The following COL24A1 variants were observed in gnomAD, a reference collection of about 807,000 sequenced individuals.
COL24A1 encodes the protein collagen type XXIV alpha 1 chain, also known as collagen alpha-1(XXIV) chain.
Under a neutral mutation model 253.9 loss-of-function variants are expected in COL24A1, and 224 were observed. That is an observed-to-expected ratio of 0.88 (90% CI 0.79 to 0.99). COL24A1 has a LOEUF of 0.99. Among genes scored for constraint, COL24A1 ranks in the 50% least tolerant of loss-of-function variants. The pLI is 0.00. For synonymous variants in COL24A1, 685 were observed against 673.7 expected (o/e 1.02, Z -0.26); for missense variants, 2,131 against 2,068.5 (o/e 1.03, Z -0.59).
At chr1:86,147,606 T>C (rs1557824149) in intron 1 of COL24A1, among the ~76,000 whole-genome samples, 1 of 152,188 alleles carries the variant, frequency 6.6e-6, no homozygotes, top group African/African-American at 2.4e-5. Flanking sequence ...GAGGAACTTG[T>C]AAAAAATGCA....
intron 47 of COL24A1, among the ~76,000 whole-genome samples, chr1:85,787,972 C>T (rs913762424): frequency 6.6e-6 from 1 of 152,196 alleles, no homozygotes; most frequent in African/African-American, 2.4e-5. Context: ...TTGCATTTCT[C>T]TAATAATCAA....
intron 28 of COL24A1, 86 bp downstream of exon 28, chr1:85,907,108 T>A: frequency 9.6e-7 from 1 of 1,038,252 alleles, no homozygotes; most frequent in East Asian, 2.4e-5. Flanking sequence ...TTCTAGAAGG[T>A]ATGATGCTAT....
chr1:85,813,650 A>C (rs1672788410), intron 47 of COL24A1, among the ~76,000 whole-genome samples: 2 of 136,170 alleles, frequency 1.5e-5, no homozygotes, highest in Non-Finnish European at 3.1e-5. Flanking sequence ...TCCCGGGTTC[A>C]CGCCATTCTC....
intron 2 of COL24A1, among the ~76,000 whole-genome samples, chr1:86,134,282 G>A (rs943339660): frequency 3.3e-5 from 5 of 150,792 alleles, no homozygotes; most frequent in African/African-American, 9.7e-5. Flanking sequence ...CAATTTTGTT[G>A]ATCTTTTCAA....
chr1:86,152,520 T>C (rs914826291), intron 1 of COL24A1, among the ~76,000 whole-genome samples: 1 of 152,114 alleles, frequency 6.6e-6, no homozygotes, highest in African/African-American at 2.4e-5. Context: ...TATTCCAAAA[T>C]CCAAAAAAAT....
chr1:85,732,449 T>C (rs1486866150), intron 59 of COL24A1, among the ~76,000 whole-genome samples: 2 of 152,070 alleles, frequency 1.3e-5, no homozygotes, highest in Non-Finnish European at 2.9e-5. Flanking sequence ...CAGGATGGTC[T>C]CGATCTCCTG....
At chr1:86,068,657 G>A (rs1442300858) in intron 7 of COL24A1, among the ~76,000 whole-genome samples, 1 of 152,148 alleles carries the variant, frequency 6.6e-6, no homozygotes, top group East Asian at 1.9e-4. Context: ...AATGGAGTGT[G>A]AGCACCATTC....
intron 24 of COL24A1, among the ~76,000 whole-genome samples, chr1:85,942,303 T>A (rs1205112910): frequency 6.6e-6 from 1 of 152,192 alleles, no homozygotes; most frequent in Non-Finnish European, 1.5e-5. Flanking sequence ...GGTGAAGACA[T>A]CATTGGTCGG....
At chr1:85,865,851 C>T (rs1484578321) in intron 37 of COL24A1, among the ~76,000 whole-genome samples, 2 of 151,914 alleles carry the variant, frequency 1.3e-5, no homozygotes, top group Admixed American at 1.3e-4. Flanking sequence ...AGGCCTGACA[C>T]TAATGGAAGA....
At chr1:85,862,252 T>G (rs1679237299) in intron 37 of COL24A1, among the ~76,000 whole-genome samples, 1 of 152,200 alleles carries the variant, frequency 6.6e-6, no homozygotes, top group Non-Finnish European at 1.5e-5. Context: ...ACTGTATCCC[T>G]AATGTTTAGC....
At chr1:85,859,163 T>C (rs918374851) in intron 37 of COL24A1, among the ~76,000 whole-genome samples, 1 of 152,202 alleles carries the variant, frequency 6.6e-6, no homozygotes, top group Non-Finnish European at 1.5e-5. Context: ...TGTTCACTGC[T>C]GTAACATTAA....
At chr1:86,080,257 A>T (rs1401269388) in intron 7 of COL24A1, among the ~76,000 whole-genome samples, 1 of 152,114 alleles carries the variant, frequency 6.6e-6, no homozygotes, top group Admixed American at 6.6e-5. Flanking sequence ...CAATGGAAGG[A>T]TGGTTATTTG....
intron 1 of COL24A1, among the ~76,000 whole-genome samples, chr1:86,150,264 G>T (rs541264387): frequency 6.6e-6 from 1 of 152,240 alleles, no homozygotes; most frequent in East Asian, 1.9e-4. Context: ...TTGTGACTTT[G>T]TTATACTCCT....
intron 3 of COL24A1, among the ~76,000 whole-genome samples, chr1:86,120,435 A>C (rs1370496806): frequency 6.6e-6 from 1 of 152,224 alleles, no homozygotes; most frequent in African/African-American, 2.4e-5. Flanking sequence ...TAACTTAAAC[A>C]CATTTACAAG....
chr1:85,820,632 T>A (rs1196706599), intron 45 of COL24A1, among the ~76,000 whole-genome samples: 1 of 152,174 alleles, frequency 6.6e-6, no homozygotes, highest in Non-Finnish European at 1.5e-5. Context: ...CATCTGTAAC[T>A]CCAAATTTGA....
intron 45 of COL24A1, among the ~76,000 whole-genome samples, chr1:85,820,679 G>C (rs1480648971): frequency 6.6e-6 from 1 of 152,158 alleles, no homozygotes; most frequent in Non-Finnish European, 1.5e-5. Context: ...TCAAATGTAG[G>C]ATATTTGAGT....
chr1:85,906,264 CT>C (rs10526604), intron 28 of COL24A1, among the ~76,000 whole-genome samples: 55 of 77,810 alleles, frequency 7.1e-4, no homozygotes, highest in East Asian at 7.0e-4. Context: ...ACTGCAAGGT[CT>C]TTTTTTTTTT....
chr1:86,156,380 T>G lies in COL24A1; in HGVS notation c.17A>C (p.His6Pro), dbSNP rs767354172. The G allele has an allele frequency of 6.2e-7, 1 of 1,612,666 alleles. No individual in the cohort carries two copies. The highest frequency in any genetic ancestry group is 8.5e-7 in the Non-Finnish European group (1 of 1,179,430). ...GGAGACTTTTCCACGCCTTGTTCTG[T>G]GGGCTCTTAAATGCATTTGTATGCA... is the stretch of plus-strand genomic sequence containing the variant. MHLRAHRTRRGKVSPT... is the reference protein window; with the variant it reads MHLRAPRTRRGKVSPT... The change falls in exon 1 of 60, where the codon CAC (histidine) becomes CCC (proline). Residue 6 changes from histidine (H) to proline (P), a missense_variant. By Grantham distance (77) the His-to-Pro change is moderately conservative. Coordinates refer to ENST00000370571, the MANE Select transcript of COL24A1 (RefSeq NM_152890.7).
intron 53 of COL24A1, among the ~76,000 whole-genome samples, chr1:85,771,810 T>A (rs867792852): frequency 1.6e-4 from 12 of 75,916 alleles, no homozygotes; most frequent in Non-Finnish European, 2.8e-4. Context: ...TTATTTATTT[T>A]TATTATACTT....
Sources: gnomAD v4.1 joint callset for allele counts (sites outside exome capture counted in the v4.1 genomes callset) on GRCh38, gnomAD v4.1.1 for gene constraint, MANE v1.5 for transcripts, NCBI Gene and HGNC (gene_info 2026-07-23, HGNC 2026-07-21) for gene names.